Variants in SGIP1 observed in about 807,000 individuals in gnomAD.
The protein encoded by SGIP1 is SH3-containing GRB2-like protein 3-interacting protein 1.
Under a neutral mutation model 107.5 loss-of-function variants are expected in SGIP1, and 38 were observed. The observed-to-expected ratio is 0.35, with a 90% CI of 0.27 to 0.46. SGIP1 has a LOEUF of 0.46. Ranked by LOEUF, SGIP1 falls within the 20% of genes least tolerant of loss-of-function variation. The pLI is 1.00. For synonymous variants in SGIP1, 365 were observed against 366.1 expected (o/e 1.00, Z 0.03); for missense variants, 929 against 1,019.5 (o/e 0.91, Z 1.21).
At chr1:66,567,082 A>C (rs1215779597) in intron 1 of SGIP1, among the ~76,000 whole-genome samples, 1 of 152,030 alleles carries the variant, frequency 6.6e-6, no homozygotes, top group South Asian at 2.1e-4. Context: ...TGGTGTATAC[A>C]TACCACATTT....
intron 8 of SGIP1, among the ~76,000 whole-genome samples, chr1:66,661,841 CG>C (rs1410938834): frequency 2.6e-5 from 4 of 152,234 alleles, no homozygotes; most frequent in African/African-American, 7.2e-5. Context: ...TTGTCCTTCA[CG>C]GCAATTTTAA....
chr1:66,708,984 T>A (rs2092716973), intron 18 of SGIP1, among the ~76,000 whole-genome samples: 2 of 152,100 alleles, frequency 1.3e-5, no homozygotes, highest in South Asian at 4.1e-4. Flanking sequence ...CATTCGAATT[T>A]TTTTTTCTGT....
intron 18 of SGIP1, among the ~76,000 whole-genome samples, chr1:66,710,840 A>G (rs2092867182): frequency 6.6e-6 from 1 of 152,168 alleles, no homozygotes; most frequent in African/African-American, 2.4e-5. Flanking sequence ...ACTAAAGAAG[A>G]GGGAAAAACA....
intron 18 of SGIP1, among the ~76,000 whole-genome samples, chr1:66,709,127 A>G (rs780767337): frequency 7.9e-5 from 12 of 152,002 alleles, no homozygotes; most frequent in Non-Finnish European, 1.8e-4. Flanking sequence ...GGTTTGCTGT[A>G]CCCATCAACC....
At chr1:66,586,407 C>T (rs765123890) in intron 1 of SGIP1, among the ~76,000 whole-genome samples, 1 of 152,036 alleles carries the variant, frequency 6.6e-6, no homozygotes, top group Non-Finnish European at 1.5e-5. Flanking sequence ...TCCGTTTTCT[C>T]TTTCCTGCCT....
chr1:66,585,207 G>A (rs547867293), intron 1 of SGIP1, among the ~76,000 whole-genome samples: 4 of 152,204 alleles, frequency 2.6e-5, no homozygotes, highest in South Asian at 2.1e-4. Context: ...CCTTCTCTAT[G>A]GTGCTTCTTG....
chr1:66,596,086 T>C (rs868127966), intron 1 of SGIP1, among the ~76,000 whole-genome samples: 18 of 152,126 alleles, frequency 1.2e-4, no homozygotes, highest in Admixed American at 3.9e-4. Context: ...ATAAAACAGG[T>C]GAAATCTGAA....
chr1:66,577,231 G>T (rs1017091397), intron 1 of SGIP1, among the ~76,000 whole-genome samples: 4 of 152,012 alleles, frequency 2.6e-5, no homozygotes, highest in African/African-American at 9.7e-5. Flanking sequence ...GCCTTTCTTG[G>T]TCTCTGTTCT....
At chr1:66,646,323 A>G (rs1246890842) in intron 7 of SGIP1, among the ~76,000 whole-genome samples, 1 of 152,202 alleles carries the variant, frequency 6.6e-6, no homozygotes, top group Admixed American at 6.5e-5. Context: ...AAAAGGAAAT[A>G]GGGTCTACAC....
chr1:66,737,998 A>C (rs925653614), intron 21 of SGIP1, among the ~76,000 whole-genome samples: 7 of 151,946 alleles, frequency 4.6e-5, no homozygotes, highest in Non-Finnish European at 8.8e-5. Flanking sequence ...AGGAACTATA[A>C]TCAGGTTGAG....
At chr1:66,547,172 G>A (rs540905988) in intron 1 of SGIP1, among the ~76,000 whole-genome samples, 6 of 152,194 alleles carry the variant, frequency 3.9e-5, no homozygotes, top group African/African-American at 1.4e-4. Context: ...CCCTGCTACA[G>A]GCAACCCCTT....
At chr1:66,713,823 G>A (rs780022061) in intron 18 of SGIP1, among the ~76,000 whole-genome samples, 3 of 151,874 alleles carry the variant, frequency 2.0e-5, no homozygotes, top group Non-Finnish European at 4.4e-5. Flanking sequence ...ATCTCCTATT[G>A]ACACAAGTAT....
chr1:66,623,801 T>C (rs1389482430), intron 1 of SGIP1, among the ~76,000 whole-genome samples: 6 of 152,212 alleles, frequency 3.9e-5, no homozygotes. Context: ...GTAACTTGTA[T>C]TAAGCTATGC....
chr1:66,643,974 C>A, intron 7 of SGIP1: 2 of 249,868 alleles, frequency 8.0e-6, no homozygotes, highest in Non-Finnish European at 1.5e-5. Context: ...TTCCTGCAAG[C>A]ATTTTAAAAA....
At chr1:66,577,270 A>G (rs1196371292) in intron 1 of SGIP1, among the ~76,000 whole-genome samples, 2 of 152,110 alleles carry the variant, frequency 1.3e-5, no homozygotes, top group Non-Finnish European at 2.9e-5. Flanking sequence ...AGTTCATGGC[A>G]TGTGCTTACA....
chr1:66,708,236 T>A (rs2092662797), intron 18 of SGIP1, among the ~76,000 whole-genome samples: 1 of 152,204 alleles, frequency 6.6e-6, no homozygotes, highest in African/African-American at 2.4e-5. Flanking sequence ...TGTTTTGAGA[T>A]TAGAAGACAT....
chr1:66,711,525 A>T (rs2092918562), intron 18 of SGIP1, among the ~76,000 whole-genome samples: 2 of 152,176 alleles, frequency 1.3e-5, no homozygotes, highest in Admixed American at 6.5e-5. Context: ...TAATATAATC[A>T]GCTTTTAAAG....
intron 1 of SGIP1, among the ~76,000 whole-genome samples, chr1:66,614,557 T>C (rs1001111334): frequency 2.6e-5 from 4 of 152,246 alleles, no homozygotes; most frequent in African/African-American, 9.6e-5. Flanking sequence ...TATTTCTATG[T>C]GTGTTTATCT....
rs2094520737 is a variant in SGIP1, at chr1:66,744,003, A to G, written c.*908A>G. On this transcript the variant is annotated 3_prime_UTR_variant, in exon 25 of 25. Transcript: ENST00000371037. ...AAGACTTTCCGTAGTTGAACTGGTT[A>G]AGAATTTTTGCTTAGTTACTCTGAA... 6.6e-6 allele frequency: 1 copy of G among 152,170 alleles called. No individual in the cohort carries two copies. The highest frequency in any genetic ancestry group is 2.4e-5 in the African/African-American group (1 of 41,470). The allele number at this position is 152,170 out of a possible 1,614,324, so 9.4% of individuals were successfully genotyped here.
Sources: allele counts gnomAD v4.1 joint callset (sites outside exome capture counted in the v4.1 genomes callset), GRCh38; gene constraint gnomAD v4.1.1; transcripts MANE v1.5; gene names NCBI Gene and HGNC (gene_info 2026-07-23, HGNC 2026-07-21).